Variants in NR3C1 observed in about 807,000 individuals in gnomAD.
NR3C1 encodes nuclear receptor subfamily 3 group C member 1.
Under a neutral mutation model 74.0 loss-of-function variants are expected in NR3C1, and 14 were observed. The observed-to-expected ratio is 0.19, with a 90% CI of 0.12 to 0.30. NR3C1 has a LOEUF of 0.30. Ranked by LOEUF, NR3C1 falls within the 10% of genes least tolerant of loss-of-function variation. The pLI is 1.00. For missense variants in NR3C1, 695 were observed against 909.8 expected (o/e 0.76, Z 3.04); for synonymous variants, 308 against 332.5 (o/e 0.93, Z 0.80).
intron 2 of NR3C1, among the ~76,000 whole-genome samples, chr5:143,341,363 A>G (rs1407619036): frequency 6.6e-6 from 1 of 152,264 alleles, no homozygotes; most frequent in Non-Finnish European, 1.5e-5. Context: ...GCTTATAGCA[A>G]AAGGAGACAT....
At chr5:143,409,547 CT>C (rs780568288) in intron 1 of NR3C1, among the ~76,000 whole-genome samples, 78 of 152,256 alleles carry the variant, frequency 5.1e-4, no homozygotes, top group Non-Finnish European at 9.1e-4. Flanking sequence ...AAAATTATTC[CT>C]GCAGCTATCA....
chr5:143,419,750 A>C (rs1314065821), intron 1 of NR3C1, among the ~76,000 whole-genome samples: 1 of 152,200 alleles, frequency 6.6e-6, no homozygotes, highest in Non-Finnish European at 1.5e-5. Flanking sequence ...CGAAATTAAA[A>C]TTGCTAACAA....
At chr5:143,303,240 T>C (rs1487329141) in intron 4 of NR3C1, among the ~76,000 whole-genome samples, 1 of 27,154 alleles carries the variant, frequency 3.7e-5, no homozygotes, top group Non-Finnish European at 6.9e-5. Context: ...TGTGTGTGTA[T>C]GTGGGTGGGG....
chr5:143,360,632 A>G (rs1004147611), intron 2 of NR3C1, among the ~76,000 whole-genome samples: 4 of 152,238 alleles, frequency 2.6e-5, no homozygotes, highest in South Asian at 2.1e-4. Context: ...CAACATGACA[A>G]TAGAAGAATA....
intron 2 of NR3C1, among the ~76,000 whole-genome samples, chr5:143,335,521 T>C (rs765459458): frequency 1.3e-4 from 20 of 152,192 alleles, no homozygotes; most frequent in Non-Finnish European, 2.9e-4. Context: ...AAGTTTAAAT[T>C]AGAAAATAAA....
intron 1 of NR3C1, among the ~76,000 whole-genome samples, chr5:143,417,570 A>G (rs1450454732): frequency 6.6e-6 from 1 of 152,184 alleles, no homozygotes; most frequent in Non-Finnish European, 1.5e-5. Context: ...TAAAAAAGAT[A>G]TTCTCTGTAA....
chr5:143,296,460 C>A (rs904186159), intron 6 of NR3C1, among the ~76,000 whole-genome samples: 1 of 152,140 alleles, frequency 6.6e-6, no homozygotes, highest in East Asian at 1.9e-4. Context: ...CGAAGAGGCA[C>A]CTCCCTAGTC....
intron 2 of NR3C1, among the ~76,000 whole-genome samples, chr5:143,323,387 G>C (rs371883069): frequency 6.6e-6 from 1 of 152,238 alleles, no homozygotes; most frequent in African/African-American, 2.4e-5. Flanking sequence ...GGAAACCCCT[G>C]ATAAACCCAT....
chr5:143,348,012 A>G (rs904222229), intron 2 of NR3C1, among the ~76,000 whole-genome samples: 1 of 152,130 alleles, frequency 6.6e-6, no homozygotes, highest in African/African-American at 2.4e-5. Flanking sequence ...TTTGAGGACT[A>G]CACCCTCAAA....
At chr5:143,346,522 T>C (rs1013800555) in intron 2 of NR3C1, among the ~76,000 whole-genome samples, 2 of 152,240 alleles carry the variant, frequency 1.3e-5, no homozygotes, top group African/African-American at 4.8e-5. Context: ...TATAGGGGCC[T>C]TGAAAATATA....
At chr5:143,317,607 A>G (rs1220235405) in intron 2 of NR3C1, among the ~76,000 whole-genome samples, 1 of 152,156 alleles carries the variant, frequency 6.6e-6, no homozygotes, top group Non-Finnish European at 1.5e-5. Context: ...GGCTGAGTTT[A>G]TGTTAGAGTT....
chr5:143,348,143 A>G (rs1212258984), intron 2 of NR3C1, among the ~76,000 whole-genome samples: 1 of 152,106 alleles, frequency 6.6e-6, no homozygotes, highest in Non-Finnish European at 1.5e-5. Flanking sequence ...TTACCTGTTG[A>G]TTTTGTCTCA....
At chr5:143,395,040 C>A (rs564108307) in intron 2 of NR3C1, among the ~76,000 whole-genome samples, 6 of 152,038 alleles carry the variant, frequency 3.9e-5, no homozygotes, top group Non-Finnish European at 7.4e-5. Context: ...GGGGTTAAAA[C>A]CACTGTCTAC....
At chr5:143,413,600 G>A (rs1328933474) in intron 1 of NR3C1, among the ~76,000 whole-genome samples, 1 of 152,062 alleles carries the variant, frequency 6.6e-6, no homozygotes, top group Non-Finnish European at 1.5e-5. Context: ...CTCTCCACCT[G>A]GTGGCCTGTG....
At chr5:143,319,988 GTAATT>G (rs1174875555) in intron 2 of NR3C1, among the ~76,000 whole-genome samples, 2 of 152,300 alleles carry the variant, frequency 1.3e-5, no homozygotes, top group East Asian at 3.9e-4. Context: ...GCTTGAGCCA[GTAATT>G]TCTTTTTCCC....
chr5:143,359,831 T>G (rs1831898934), intron 2 of NR3C1, among the ~76,000 whole-genome samples: 1 of 152,040 alleles, frequency 6.6e-6, no homozygotes, highest in Non-Finnish European at 1.5e-5. Context: ...GGCAGGAGAA[T>G]CACTTGAACC....
rs570321096 is a variant in NR3C1, at chr5:143,397,190, G to A, written c.1184+2466C>T. Among the ~76,000 whole-genome samples, 4 of 151,776 alleles carry A rather than the reference G, an allele frequency of 2.6e-5. No homozygotes were observed. In the East Asian group the frequency reaches 5.8e-4, roughly 22 times the overall value. ...GTGAGGATTTTTTTTTAAGTATTCT[G>A]ATAAAAACAATTTTAGGTGGCATTT... On this transcript the variant is annotated intron_variant, in intron 2 of 8. Coordinates refer to ENST00000394464, the MANE Select transcript of NR3C1 (RefSeq NM_000176.3).
chr5:143,382,041 A>T (rs1314529369), intron 2 of NR3C1, among the ~76,000 whole-genome samples: 1 of 152,220 alleles, frequency 6.6e-6, no homozygotes, highest in Non-Finnish European at 1.5e-5. Context: ...TAATAACTAG[A>T]ATATATAAAG....
chr5:143,295,733 A>C, intron 6 of NR3C1, 143 bp from the exon 7 acceptor site: 1 of 693,524 alleles, frequency 1.4e-6, no homozygotes, highest in East Asian at 2.9e-5. Flanking sequence ...TCCCTATAAA[A>C]TCAGAATTTT....
Sources: gnomAD v4.1 joint callset for allele counts (sites outside exome capture counted in the v4.1 genomes callset) on GRCh38, gnomAD v4.1.1 for gene constraint, MANE v1.5 for transcripts, NCBI Gene and HGNC (gene_info 2026-07-23, HGNC 2026-07-21) for gene names.